Variants in CDK17 observed in about 807,000 individuals in gnomAD.
CDK17 encodes the protein cyclin-dependent kinase 17.
In CDK17, 24 loss-of-function variants were observed where a neutral mutation model predicts 77.6. The ratio of observed to expected loss-of-function variants is 0.31; its 90% CI spans 0.22 to 0.44. The LOEUF (loss-of-function observed/expected upper bound fraction) is 0.44, where lower values mean the gene tolerates loss of function less well. Among genes scored for constraint, CDK17 ranks in the 20% least tolerant of loss-of-function variants. The pLI, the probability that CDK17 is intolerant of heterozygous loss-of-function variation, is 1.00. For synonymous variants in CDK17, 203 were observed against 210.4 expected (o/e 0.96, Z 0.30); for missense variants, 429 against 622.5 (o/e 0.69, Z 3.31).
chr12:96,335,850 T>C (rs1953033901), intron 1 of CDK17, among the ~76,000 whole-genome samples: 1 of 152,188 alleles, frequency 6.6e-6, no homozygotes, highest in Admixed American at 6.5e-5. Context: ...TTGGTATTTC[T>C]ATGATGAGCT....
intron 1 of CDK17, among the ~76,000 whole-genome samples, chr12:96,371,782 A>T (rs1324438662): frequency 6.6e-6 from 1 of 152,184 alleles, no homozygotes; most frequent in African/African-American, 2.4e-5. Context: ...TTCAAAAATA[A>T]CTGAATTATT....
chr12:96,281,389 G>C (rs780503970), intron 15 of CDK17, among the ~76,000 whole-genome samples: 10 of 152,130 alleles, frequency 6.6e-5, no homozygotes, highest in Non-Finnish European at 1.2e-4. Flanking sequence ...TTCTTTTTGA[G>C]ACGGAGTCTC....
chr12:96,284,961 CG>C (rs1219595325), intron 13 of CDK17, among the ~76,000 whole-genome samples: 1 of 152,134 alleles, frequency 6.6e-6, no homozygotes, highest in Non-Finnish European at 1.5e-5. Context: ...AATAAGGTAA[CG>C]TTTTTTTCCA....
At chr12:96,390,222 G>A (rs1379867873) in intron 1 of CDK17, among the ~76,000 whole-genome samples, 2 of 149,946 alleles carry the variant, frequency 1.3e-5, no homozygotes, top group Non-Finnish European at 3.0e-5. Context: ...GGCGATGTCA[G>A]CTTACTGCAA....
At chr12:96,285,392 G>A (rs35467779) in intron 13 of CDK17, among the ~76,000 whole-genome samples, 11,618 of 152,092 alleles carry the variant, frequency 0.076, 512 homozygotes, top group African/African-American at 0.12. Context: ...AATGGCTTTG[G>A]GTTAAAATAA....
At chr12:96,370,304 G>A (rs1333132181) in intron 1 of CDK17, among the ~76,000 whole-genome samples, 1 of 152,154 alleles carries the variant, frequency 6.6e-6, no homozygotes, top group Non-Finnish European at 1.5e-5. Context: ...TTACAAAAGA[G>A]GAAACATTCC....
intron 10 of CDK17, 87 bp from the exon 11 acceptor site, chr12:96,289,374 G>T: frequency 6.9e-7 from 1 of 1,450,830 alleles, no homozygotes; most frequent in Non-Finnish European, 9.6e-7. Context: ...CATTCAAAGG[G>T]ATGCCTGAAA....
Position 96,368,820 on chromosome 12 carries a change from G to A in CDK17, c.-30+31166C>T, listed in dbSNP as rs1006645296. ...CTACTCTAAGACGGGGGGGGGGGGG[G>A]GGGGCACAATGAATAAGGCTGGAAA... On this transcript the variant is annotated intron_variant, in intron 1 of 16. Coordinates refer to ENST00000261211, the MANE Select transcript of CDK17 (RefSeq NM_002595.5). Among the ~76,000 whole-genome samples the A allele has an allele frequency of 9.0e-5, 7 of 78,176 alleles. 1 individual carries two copies. The highest frequency in any genetic ancestry group is 2.1e-4 in the African/African-American group (5 of 23,366). 51.3% of individuals were successfully genotyped at this position (78,176 alleles called of 152,430 possible).
chr12:96,280,603 G>T (rs998177579), intron 16 of CDK17: 2 of 1,414,438 alleles, frequency 1.4e-6, no homozygotes, highest in Non-Finnish European at 1.8e-6. Context: ...TGACTTGACT[G>T]AGTCAGATTT....
At chr12:96,367,294 G>A (rs184477267) in intron 1 of CDK17, among the ~76,000 whole-genome samples, 38 of 131,574 alleles carry the variant, frequency 2.9e-4, no homozygotes, top group Admixed American at 8.2e-4. Flanking sequence ...GCAGTGAGCC[G>A]AGATTGTACC....
intron 10 of CDK17, among the ~76,000 whole-genome samples, chr12:96,294,611 A>T (rs12228048): frequency 0.1 from 12,463 of 121,016 alleles, 1,074 homozygotes; most frequent in South Asian, 0.22. Flanking sequence ...AAAAAAAAAA[A>T]GATATATTTT....
chr12:96,328,776 A>G (rs1460655688), intron 2 of CDK17, among the ~76,000 whole-genome samples: 1 of 152,182 alleles, frequency 6.6e-6, no homozygotes, highest in Non-Finnish European at 1.5e-5. Flanking sequence ...CCAGATGAAG[A>G]TCCTAACTGG....
rs999812435 is a variant in CDK17 at position 96,400,027 on chromosome 12, G to A, written c.-71C>T. On this transcript the variant is annotated 5_prime_UTR_variant, in exon 1 of 17. Transcript: ENST00000261211. ...CGCGGGTCCCGAGGCGAGGCGAAGA[G>A]AGGCGCGGGGGGAAGCTGCTCCGCG... 2.6e-6 allele frequency: 1 copy of A among 385,724 alleles called. No individual in the cohort carries two copies. The highest frequency in any genetic ancestry group is 2.1e-5 in the African/African-American group (1 of 48,038). The allele number at this position is 385,724 out of a possible 1,614,324, so 23.9% of individuals were successfully genotyped here.
intron 13 of CDK17, 178 bp downstream of exon 13, chr12:96,285,865 T>TAA (rs1451250828): frequency 5.6e-6 from 2 of 355,094 alleles, no homozygotes; most frequent in African/African-American, 4.3e-5. Flanking sequence ...CTGGGAAAAG[T>TAA]AACTACATAA....
intron 1 of CDK17, among the ~76,000 whole-genome samples, chr12:96,336,074 G>A (rs186295005): frequency 6.6e-6 from 1 of 152,192 alleles, no homozygotes; most frequent in East Asian, 1.9e-4. Flanking sequence ...ATTAGTTACA[G>A]AATAATTTAT....
At chr12:96,283,501 T>G in intron 14 of CDK17, 102 bp downstream of exon 14, 1 of 735,820 alleles carries the variant, frequency 1.4e-6, no homozygotes, top group South Asian at 1.6e-5. Flanking sequence ...ATAATTTTAT[T>G]TGTCATTAAC....
chr12:96,397,114 A>G (rs1409621948), intron 1 of CDK17, among the ~76,000 whole-genome samples: 3 of 152,148 alleles, frequency 2.0e-5, no homozygotes, highest in Non-Finnish European at 4.4e-5. Flanking sequence ...GAAAATAAGG[A>G]AAAAAACAAG....
At chr12:96,288,694 C>T (rs1031662885) in intron 11 of CDK17, among the ~76,000 whole-genome samples, 3 of 152,076 alleles carry the variant, frequency 2.0e-5, no homozygotes, top group African/African-American at 7.2e-5. Context: ...GTGTCAGGAT[C>T]GAAGCGGTGT....
intron 1 of CDK17, among the ~76,000 whole-genome samples, chr12:96,398,546 TTAAGAAAG>T (rs1354696046): frequency 6.6e-6 from 1 of 152,112 alleles, no homozygotes; most frequent in Non-Finnish European, 1.5e-5. Flanking sequence ...TGCCCAAGAG[TTAAGAAAG>T]TAAGTCTAAA....
Sources: gnomAD v4.1 joint callset for allele counts (sites outside exome capture counted in the v4.1 genomes callset) on GRCh38, gnomAD v4.1.1 for gene constraint, MANE v1.5 for transcripts, NCBI Gene and HGNC (gene_info 2026-07-23, HGNC 2026-07-21) for gene names.